SLCO6A1: variants seen among roughly 807,000 people sequenced by gnomAD.
SLCO6A1 encodes cancer/testis antigen 48.
SLCO6A1 carries 65 observed loss-of-function variants against 72.7 expected under a neutral mutation model. The ratio of observed to expected loss-of-function variants is 0.89; its 90% CI spans 0.73 to 1.10. SLCO6A1 has a LOEUF of 1.10. SLCO6A1 is among the 50% of genes least tolerant of loss of function. The probability of loss-of-function intolerance (pLI) is 0.00; values close to 1 mark genes in which losing one functional copy is unlikely to be tolerated. For missense variants in SLCO6A1, 874 were observed against 872.6 expected, an observed-to-expected ratio of 1.00 and a Z score of -0.02; for synonymous variants, 314 against 298.2, an observed-to-expected ratio of 1.05 and a Z score of -0.55.
intron 8 of SLCO6A1, among the ~76,000 whole-genome samples, chr5:102,415,572 G>T (rs1211387678): frequency 6.6e-6 from 1 of 152,062 alleles, no homozygotes. Flanking sequence ...ATGGATTAAA[G>T]ACTTAAATAT....
chr5:102,463,327 G>A (rs1333983779), intron 4 of SLCO6A1, among the ~76,000 whole-genome samples: 1 of 152,190 alleles, frequency 6.6e-6, no homozygotes. Flanking sequence ...TGGTGGAAAT[G>A]TAAACTAGTA....
In SLCO6A1 at chr5:102,391,868, A is replaced by T. The variant is rs544836447; in HGVS notation, c.1815-823T>A. Among the ~76,000 whole-genome samples the T allele has an allele frequency of 3.3e-3, 498 of 150,244 alleles. 1 individual carries two copies. The highest frequency in any genetic ancestry group is 0.012 in the African/African-American group (475 of 40,990). Reference sequence around the variant, plus strand: ...ACTTTTCCAAATATAAAGAATGAAGATCTGTTTTTCCTACTGATCAAACCA... The same window carrying T: ...ACTTTTCCAAATATAAAGAATGAAGTTCTGTTTTTCCTACTGATCAAACCA... On this transcript the variant is annotated intron_variant, in intron 10 of 13. Coordinates refer to ENST00000506729, the MANE Select transcript of SLCO6A1 (RefSeq NM_173488.5).
chr5:102,380,649 C>T (rs1746054393), intron 12 of SLCO6A1, among the ~76,000 whole-genome samples: 1 of 151,992 alleles, frequency 6.6e-6, no homozygotes, highest in African/African-American at 2.4e-5. Flanking sequence ...CAGTCTTCTA[C>T]ATCTGCACTA....
intron 6 of SLCO6A1, among the ~76,000 whole-genome samples, chr5:102,448,625 C>G (rs1376816173): frequency 2.6e-5 from 4 of 152,038 alleles, no homozygotes; most frequent in Admixed American, 2.6e-4. Flanking sequence ...TTATATAATG[C>G]CCCCCTTTGT....
chr5:102,449,692 T>G (rs1157117878), intron 6 of SLCO6A1, among the ~76,000 whole-genome samples: 1 of 152,156 alleles, frequency 6.6e-6, no homozygotes, highest in Admixed American at 6.5e-5. Flanking sequence ...ATTTTTGTAT[T>G]GACCTCTCTA....
chr5:102,430,400 G>A (rs1213171798), intron 7 of SLCO6A1, among the ~76,000 whole-genome samples: 1 of 152,142 alleles, frequency 6.6e-6, no homozygotes, highest in Non-Finnish European at 1.5e-5. Flanking sequence ...AATGCTTCCA[G>A]CTTTTCCCCA....
chr5:102,459,600 AC>A lies in SLCO6A1; in HGVS notation c.1021+55del, dbSNP rs1750915623. On this transcript the variant is annotated intron_variant, in intron 5 of 13. Coordinates refer to ENST00000506729, the MANE Select transcript of SLCO6A1 (RefSeq NM_173488.5). Reference sequence around the variant, plus strand: ...ATACAGTCATTCTATGAGAATAAGAACCATGGTGGAAGAAACTACTATCCTC... The same window carrying A: ...ATACAGTCATTCTATGAGAATAAGAACATGGTGGAAGAAACTACTATCCTC... 3 of 1,510,126 alleles carry A rather than the reference AC, an allele frequency of 2.0e-6. No individual in the cohort carries two copies. In the East Asian group the frequency reaches 7.1e-5, roughly 36 times the overall value. The allele number at this position is 1,510,126 out of a possible 1,614,324, so 93.5% of individuals were successfully genotyped here.
chr5:102,495,852 A>G (rs995447002), intron 1 of SLCO6A1, among the ~76,000 whole-genome samples: 2 of 152,194 alleles, frequency 1.3e-5, no homozygotes, highest in African/African-American at 4.8e-5. Flanking sequence ...ATTGAAGCTC[A>G]TCCTGCACTA....
At chr5:102,497,139 A>G (rs1178307696) in intron 1 of SLCO6A1, among the ~76,000 whole-genome samples, 1 of 152,192 alleles carries the variant, frequency 6.6e-6, no homozygotes, top group Non-Finnish European at 1.5e-5. Context: ...AGAGGCTAGT[A>G]AAGAATCTTG....
At chr5:102,378,200 T>G (rs1372304665) in intron 12 of SLCO6A1, among the ~76,000 whole-genome samples, 23 of 152,066 alleles carry the variant, frequency 1.5e-4, no homozygotes, top group Non-Finnish European at 8.8e-5. Context: ...TAAGAAAATG[T>G]GGCACATATA....
chr5:102,400,733 G>T (rs988622952), intron 9 of SLCO6A1, among the ~76,000 whole-genome samples: 1 of 152,072 alleles, frequency 6.6e-6, no homozygotes, highest in Non-Finnish European at 1.5e-5. Flanking sequence ...TTGAATCTGG[G>T]TTATTCAGAA....
chr5:102,410,300 C>A (rs1199857744), intron 9 of SLCO6A1, among the ~76,000 whole-genome samples: 1 of 152,120 alleles, frequency 6.6e-6, no homozygotes, highest in African/African-American at 2.4e-5. Context: ...TAGCTCCTCT[C>A]TGTAGCTGGT....
intron 1 of SLCO6A1, among the ~76,000 whole-genome samples, chr5:102,482,853 C>T (rs1398995147): frequency 2.0e-5 from 3 of 152,118 alleles, no homozygotes; most frequent in Non-Finnish European, 4.4e-5. Context: ...GAAATTACTG[C>T]CCACTTCATA....
chr5:102,402,457 G>T (rs1322415767), intron 9 of SLCO6A1, among the ~76,000 whole-genome samples: 1 of 152,120 alleles, frequency 6.6e-6, no homozygotes, highest in East Asian at 1.9e-4. Context: ...AAGGGAAAAT[G>T]GTCTAAAAGT....
intron 7 of SLCO6A1, among the ~76,000 whole-genome samples, chr5:102,420,749 A>G (rs1239076999): frequency 6.6e-6 from 1 of 152,188 alleles, no homozygotes; most frequent in Admixed American, 6.5e-5. Context: ...AACAACAAAA[A>G]AAATCCCATT....
chr5:102,413,156 G>T lies in SLCO6A1; in HGVS notation c.1473-13C>A. 1 of 1,552,176 alleles carries T rather than the reference G, an allele frequency of 6.4e-7. No homozygotes were observed. Among genetic ancestry groups the T allele is most frequent in the Non-Finnish European group, 8.6e-7 (1 of 1,158,258 alleles). On this transcript the variant is annotated splice_polypyrimidine_tract_variant and intron_variant, in intron 8 of 13. Transcript: ENST00000506729. The stretch of plus-strand genomic sequence containing the variant: ...CAACTTCCCTGTTCTGTAAAAACAA[G>T]ATTGAATGTAATCATATTACCATTG...
At chr5:102,416,539 T>A (rs569837692) in intron 8 of SLCO6A1, among the ~76,000 whole-genome samples, 1 of 152,106 alleles carries the variant, frequency 6.6e-6, no homozygotes, top group African/African-American at 2.4e-5. Flanking sequence ...GTACCCATAA[T>A]TGTAGAGAGT....
chr5:102,394,585 A>G (rs1211828065), intron 10 of SLCO6A1, among the ~76,000 whole-genome samples: 1 of 152,098 alleles, frequency 6.6e-6, no homozygotes, highest in Non-Finnish European at 1.5e-5. Flanking sequence ...GAAGGAATAG[A>G]TTGGTTGAAT....
chr5:102,406,859 G>C (rs180741724), intron 9 of SLCO6A1, among the ~76,000 whole-genome samples: 12 of 152,168 alleles, frequency 7.9e-5, no homozygotes, highest in Non-Finnish European at 1.8e-4. Flanking sequence ...CTGGAAGATA[G>C]ATGAACAGAA....
Sources: allele counts gnomAD v4.1 joint callset (sites outside exome capture counted in the v4.1 genomes callset), GRCh38; gene constraint gnomAD v4.1.1; transcripts MANE v1.5; gene names NCBI Gene and HGNC (gene_info 2026-07-23, HGNC 2026-07-21).